SVOP: variants seen among roughly 807,000 people sequenced by gnomAD.
SVOP encodes synaptic vesicle 2-related protein.
In SVOP, 17 loss-of-function variants were observed where a neutral mutation model predicts 69.1. That is an observed-to-expected ratio of 0.25 (90% CI 0.17 to 0.37). The LOEUF (loss-of-function observed/expected upper bound fraction) is 0.37, where lower values mean the gene tolerates loss of function less well. Ranked by LOEUF, SVOP falls within the 10% of genes least tolerant of loss-of-function variation. The pLI is 1.00. For missense variants in SVOP, 435 were observed against 597.5 expected, an observed-to-expected ratio of 0.73 and a Z score of 2.84; for synonymous variants, 238 against 238.6, an observed-to-expected ratio of 1.00 and a Z score of 0.02.
intron 2 of SVOP, 31 bp downstream of exon 2, chr12:108,983,570 G>A (rs2137438466): frequency 2.5e-6 from 1 of 398,756 alleles, no homozygotes; most frequent in East Asian, 3.6e-5. Flanking sequence ...CCGTGGCCCA[G>A]GCTGATTCCC....
At chr12:108,989,124 C>T (rs1455152484) in intron 1 of SVOP, among the ~76,000 whole-genome samples, 1 of 151,954 alleles carries the variant, frequency 6.6e-6, no homozygotes, top group Admixed American at 6.6e-5. Flanking sequence ...GACTAGAGTG[C>T]AATGGCACTA....
intron 5 of SVOP, among the ~76,000 whole-genome samples, chr12:108,971,172 T>C (rs141972987): frequency 0.69 from 104,127 of 151,880 alleles, 36,297 homozygotes; most frequent in South Asian, 0.79. Context: ...CTCATGCCTG[T>C]AATCTCAGCA....
At chr12:108,934,364 G>A in intron 10 of SVOP, 93 bp from the exon 11 acceptor site, 2 of 1,034,746 alleles carry the variant, frequency 1.9e-6, no homozygotes, top group South Asian at 1.6e-5. Context: ...GTCTACAGCA[G>A]CAGGGACCAG....
chr12:108,914,520 G>A (rs1021662318), intron 15 of SVOP, among the ~76,000 whole-genome samples: 13 of 152,086 alleles, frequency 8.5e-5, no homozygotes, highest in African/African-American at 3.1e-4. Flanking sequence ...GCAGGAACTG[G>A]CATATTTATT....
At chr12:108,968,651 T>C (rs1361596262) in intron 5 of SVOP, among the ~76,000 whole-genome samples, 1 of 152,126 alleles carries the variant, frequency 6.6e-6, no homozygotes. Flanking sequence ...TGCCTTATGA[T>C]TCAGCAATTG....
chr12:109,017,991 C>T (rs998740868), intron 1 of SVOP, among the ~76,000 whole-genome samples: 1 of 152,076 alleles, frequency 6.6e-6, no homozygotes, highest in Non-Finnish European at 1.5e-5. Context: ...TACTATTGGA[C>T]ATTGCAGCTC....
chr12:109,007,665 A>C (rs563804118), intron 1 of SVOP, among the ~76,000 whole-genome samples: 1 of 152,180 alleles, frequency 6.6e-6, no homozygotes, highest in Non-Finnish European at 1.5e-5. Flanking sequence ...GCATCACTTC[A>C]GCATGCCAGG....
At chr12:108,993,766 C>T (rs151274505) in intron 1 of SVOP, among the ~76,000 whole-genome samples, 1 of 152,170 alleles carries the variant, frequency 6.6e-6, no homozygotes, top group Non-Finnish European at 1.5e-5. Context: ...TGAGTGGGAC[C>T]CCCAGTCCCA....
At position 108,983,367 on chromosome 12, in the gene SVOP, T is replaced by C. The variant is rs914709037; in HGVS notation, c.196+234A>G. 2.6e-5 allele frequency among the ~76,000 whole-genome samples: 4 copies of C among 152,266 alleles called. No homozygotes were observed. In the South Asian group the frequency reaches 8.3e-4, roughly 32 times the overall value. Reference sequence around the variant, plus strand: ...ATCATCTTTGTCACCATTATCATCATTGTTATTGCCATCCTCAGCCAAGTG... The same window carrying C: ...ATCATCTTTGTCACCATTATCATCACTGTTATTGCCATCCTCAGCCAAGTG... On this transcript the variant is annotated intron_variant, in intron 2 of 15. Coordinates refer to ENST00000610966, the MANE Select transcript of SVOP (RefSeq NM_018711.5).
Position 108,908,194 on chromosome 12 carries a change from AT to A in SVOP, c.*4340del, listed in dbSNP as rs1162948850. ...AAGGAAACAGATGGAAGCTAGACTC[AT>A]TTCTGCCAGAAAAGGGAAGAAACAA... is the stretch of plus-strand genomic sequence containing the variant. On this transcript the variant is annotated 3_prime_UTR_variant, in exon 16 of 16. Transcript: ENST00000610966. 6.6e-6 allele frequency: 1 copy of A among 152,238 alleles called. No individual in the cohort carries two copies. Among genetic ancestry groups the A allele is most frequent in the Non-Finnish European group, 1.5e-5 (1 of 68,050 alleles). The allele number at this position is 152,238 out of a possible 1,614,324, so 9.4% of individuals were successfully genotyped here.
chr12:109,014,957 T>A (rs2040360124), intron 1 of SVOP, among the ~76,000 whole-genome samples: 1 of 152,176 alleles, frequency 6.6e-6, no homozygotes, highest in Admixed American at 6.5e-5. Context: ...GCTCTTGGCT[T>A]CTAGCATTCC....
chr12:108,991,035 G>T (rs529669675), intron 1 of SVOP, among the ~76,000 whole-genome samples: 2 of 152,232 alleles, frequency 1.3e-5, no homozygotes, highest in African/African-American at 4.8e-5. Context: ...GAAGCACTGA[G>T]GGACTGAGCC....
chr12:108,933,173 C>T (rs2039832260), intron 11 of SVOP, among the ~76,000 whole-genome samples: 1 of 152,126 alleles, frequency 6.6e-6, no homozygotes, highest in Admixed American at 6.5e-5. Context: ...CCACGCCTGG[C>T]CTGCAACTTT....
At chr12:108,948,907 G>T (rs927925073) in intron 6 of SVOP, among the ~76,000 whole-genome samples, 3 of 152,058 alleles carry the variant, frequency 2.0e-5, no homozygotes, top group African/African-American at 7.2e-5. Context: ...TTTCCGAATG[G>T]TATGCTTATA....
At chr12:108,968,318 C>T (rs1453488441) in intron 5 of SVOP, among the ~76,000 whole-genome samples, 1 of 152,212 alleles carries the variant, frequency 6.6e-6, no homozygotes, top group Non-Finnish European at 1.5e-5. Flanking sequence ...ATTCCCTCCA[C>T]ACTCTTCAGT....
chr12:108,942,346 TCCATCTC>T (rs1257183054), intron 7 of SVOP, among the ~76,000 whole-genome samples: 2 of 152,204 alleles, frequency 1.3e-5, no homozygotes, highest in Non-Finnish European at 2.9e-5. Flanking sequence ...CTCACTGACA[TCCATCTC>T]CCTTGCCCAA....
At chr12:109,013,651 A>G (rs1411248486) in intron 1 of SVOP, among the ~76,000 whole-genome samples, 1 of 152,150 alleles carries the variant, frequency 6.6e-6, no homozygotes, top group Non-Finnish European at 1.5e-5. Flanking sequence ...TAGCCTCCCA[A>G]AGTGCTGGGA....
chr12:108,939,309 TG>T (rs1404212217), intron 8 of SVOP, among the ~76,000 whole-genome samples: 1 of 152,204 alleles, frequency 6.6e-6, no homozygotes, highest in East Asian at 1.9e-4. Flanking sequence ...TACTATTATT[TG>T]GGGCTGTTTT....
intron 1 of SVOP, among the ~76,000 whole-genome samples, chr12:109,002,958 TA>T (rs971080160): frequency 4.4e-3 from 628 of 141,928 alleles, no homozygotes; most frequent in African/African-American, 0.015. Flanking sequence ...TAAAGTATAA[TA>T]AAAAAAATTA....
Sources: allele counts gnomAD v4.1 joint callset (sites outside exome capture counted in the v4.1 genomes callset), GRCh38; gene constraint gnomAD v4.1.1; transcripts MANE v1.5; gene names NCBI Gene and HGNC (gene_info 2026-07-23, HGNC 2026-07-21).